Variants in TFE3 observed in about 807,000 individuals in gnomAD.
TFE3 encodes transcription factor binding to IGHM enhancer 3.
Under a neutral mutation model 35.0 loss-of-function variants are expected in TFE3, and 5 were observed. The ratio of observed to expected loss-of-function variants is 0.14; its 90% CI spans 0.07 to 0.30. The LOEUF (loss-of-function observed/expected upper bound fraction) is 0.30. TFE3 is among the 10% of genes least tolerant of loss of function. The pLI is 1.00. For missense variants in TFE3, 374 were observed against 496.6 expected, an observed-to-expected ratio of 0.75 and a Z score of 2.35; for synonymous variants, 211 against 215.6, an observed-to-expected ratio of 0.98 and a Z score of 0.18.
Position 49,034,119 on chromosome X carries a change from G to A in TFE3, c.1003+15C>T, listed in dbSNP as rs781822962. The A allele has an allele frequency of 8.4e-7, 1 of 1,190,516 alleles. No individual in the cohort carries two copies. Among genetic ancestry groups the A allele is most frequent in the Non-Finnish European group, 1.1e-6 (1 of 875,918 alleles). ...GTAAAGTGTAGGGCCATGGGGCCAA[G>A]ACCCTATCACCTACCAGAGATCTCC... is the stretch of plus-strand genomic sequence containing the variant. On this transcript the variant is annotated intron_variant, in intron 6 of 9. Transcript: ENST00000315869.
chrX:49,040,122 C>T (rs1450102449), intron 2 of TFE3, among the ~76,000 whole-genome samples: 2 of 109,931 alleles, frequency 1.8e-5, no homozygotes, highest in Non-Finnish European at 3.8e-5. Flanking sequence ...GGCATGTCCC[C>T]GCCCACCCGG....
chrX:49,042,026 C>T (rs1170187149), intron 1 of TFE3, among the ~76,000 whole-genome samples: 2 of 105,426 alleles, frequency 1.9e-5, no homozygotes, highest in Admixed American at 1.0e-4. Context: ...GACCCCCCCC[C>T]ACCCAGGGCT....
At chrX:49,033,812 T>C (rs1557074202) in intron 6 of TFE3, 30 bp from the exon 7 acceptor site, 2 of 1,202,478 alleles carry the variant, frequency 1.7e-6, no homozygotes, top group Non-Finnish European at 2.3e-6. Context: ...TCAGGGCCTC[T>C]GAGCACAGGA....
chrX:49,035,178 C>G (rs948618988), intron 5 of TFE3, among the ~76,000 whole-genome samples: 4 of 106,257 alleles, frequency 3.8e-5, no homozygotes, highest in Non-Finnish European at 7.7e-5. Flanking sequence ...AAAAATTAGC[C>G]GAGCATGGTG....
intron 5 of TFE3, among the ~76,000 whole-genome samples, chrX:49,034,961 T>TA (rs1370040259): frequency 4.6e-5 from 5 of 109,268 alleles, no homozygotes; most frequent in African/African-American, 1.7e-4. Context: ...CTAGTTTTTT[T>TA]TTTTTCCTCT....
At chrX:49,040,391 C>G in intron 2 of TFE3, 64 bp downstream of exon 2, 2 of 906,605 alleles carry the variant, frequency 2.2e-6, no homozygotes, top group South Asian at 4.1e-5. Context: ...GGCCTCTGCC[C>G]ATCAAGAGGG....
At chrX:49,034,355 C>G (rs1013118349) in intron 5 of TFE3, 104 bp from the exon 6 acceptor site, 2 of 553,279 alleles carry the variant, frequency 3.6e-6, no homozygotes, top group Admixed American at 5.5e-5. Context: ...AAAGATGGGG[C>G]ACCCTCTAAT....
intron 9 of TFE3, among the ~76,000 whole-genome samples, chrX:49,031,026 G>A (rs868950407): frequency 4.5e-5 from 5 of 110,034 alleles, no homozygotes; most frequent in Middle Eastern, 4.6e-3. Context: ...CGGAGGTTGC[G>A]GTGAGCCGAG....
rs782645296 is a variant in TFE3 at position 49,038,037 on chromosome X, G to A, written c.858C>T (p.Gly286=). ...NDEMLSYLPG[G]TTGLQLPSTL... ...TGCTGGGGAGCTGCAGTCCTGTGGT[G>A]CCTCCGGGCAGATAGCTGAGCATTT... The change falls in exon 5 of 10, where the codon GGC becomes GGT. Residue 286 remains glycine (G), a synonymous_variant. Coordinates refer to ENST00000315869, the MANE Select transcript of TFE3 (RefSeq NM_006521.6). 1 of 1,203,994 alleles carries A rather than the reference G, an allele frequency of 8.3e-7. No individual in the cohort carries two copies. The highest frequency in any genetic ancestry group is 3.0e-5 in the East Asian group (1 of 33,573).
chrX:49,032,682 T>G (rs1174044848), intron 8 of TFE3, among the ~76,000 whole-genome samples: 13 of 104,460 alleles, frequency 1.2e-4, no homozygotes, highest in Non-Finnish European at 2.2e-4. Context: ...TCTTTTTTTT[T>G]TTTTGTTTTT....
At chrX:49,040,167 G>C (rs2064753165) in intron 2 of TFE3, among the ~76,000 whole-genome samples, 1 of 110,610 alleles carries the variant, frequency 9.0e-6, no homozygotes, top group Non-Finnish European at 1.9e-5. Context: ...CCCTATCTCT[G>C]AGCACTCCAG....
chrX:49,039,471 A>G, intron 2 of TFE3, 61 bp from the exon 3 acceptor site: 1 of 1,090,375 alleles, frequency 9.2e-7, no homozygotes, highest in Non-Finnish European at 1.2e-6. Flanking sequence ...TCCCAAGCCT[A>G]AAGGGTCTTA....
At chrX:49,040,647 GA>G (rs2064755718) in intron 1 of TFE3, 79 bp from the exon 2 acceptor site, 1 of 718,192 alleles carries the variant, frequency 1.4e-6, no homozygotes, top group African/African-American at 2.2e-5. Context: ...CAGAGAAAGA[GA>G]GAGAGAGGGG....
rs782492795 is a variant in TFE3, at chrX:49,043,233, C to T, written c.-7G>A. 1.1e-5 allele frequency: 12 copies of T among 1,141,676 alleles called. No homozygotes were observed. In the South Asian group the frequency reaches 1.8e-4, roughly 17 times the overall value. 94.1% of individuals were successfully genotyped at this position (1,141,676 alleles called of 1,213,427 possible). A position where few individuals can be genotyped will look rare whatever the true frequency, so the allele number is the denominator to read the frequency against. The stretch of plus-strand genomic sequence containing the variant: ...GTTCGGCCGCATGAGACATGACGCC[C>T]GGCCCCGGGCGAGCCCTGCCAGGCC... On this transcript the variant is annotated 5_prime_UTR_variant, in exon 1 of 10. Coordinates refer to ENST00000315869, the MANE Select transcript of TFE3 (RefSeq NM_006521.6).
intron 1 of TFE3, 150 bp downstream of exon 1, chrX:49,042,961 G>T: frequency 2.4e-6 from 1 of 423,468 alleles, no homozygotes; most frequent in Admixed American, 4.4e-5. Context: ...GCCACTGCCG[G>T]ATTCCTTAGG....
In TFE3 at chrX:49,029,466, T is replaced by A. The variant is rs1557073226; in HGVS notation, c.*692A>T. ...GTGGGGCTGTGATCTCCACAAGCAC[T>A]AGCGGTGGCCTGGTCCTACTGATTC... On this transcript the variant is annotated 3_prime_UTR_variant, in exon 10 of 10. Transcript: ENST00000315869. 1 of 263,378 alleles carries A rather than the reference T, an allele frequency of 3.8e-6. No homozygotes were observed. The highest frequency in any genetic ancestry group is 7.1e-6 in the Non-Finnish European group (1 of 140,475). The allele number at this position is 263,378 out of a possible 1,213,427, so 21.7% of individuals were successfully genotyped here.
At chrX:49,042,388 T>G (rs1374460573) in intron 1 of TFE3, among the ~76,000 whole-genome samples, 2 of 111,354 alleles carry the variant, frequency 1.8e-5, no homozygotes, top group Non-Finnish European at 3.8e-5. Context: ...TGCCTGGCTG[T>G]CTATCTTCCA....
intron 1 of TFE3, among the ~76,000 whole-genome samples, chrX:49,042,293 C>G (rs1602500632): frequency 9.0e-6 from 1 of 111,156 alleles, no homozygotes; most frequent in African/African-American, 3.3e-5. Context: ...GAGGCTAGAG[C>G]GAGTAGCAGC....
intron 5 of TFE3, 22 bp downstream of exon 5, chrX:49,037,988 A>G (rs782287085): frequency 7.7e-6 from 9 of 1,165,292 alleles, no homozygotes; most frequent in Middle Eastern, 2.3e-4. Context: ...TTTCAGACCA[A>G]CCTCCCATCT....
Sources: allele counts gnomAD v4.1 joint callset (sites outside exome capture counted in the v4.1 genomes callset), GRCh38; gene constraint gnomAD v4.1.1; transcripts MANE v1.5; gene names NCBI Gene and HGNC (gene_info 2026-07-23, HGNC 2026-07-21).